Variants in GAN observed in about 807,000 individuals in gnomAD.
The protein encoded by GAN is gigaxonin, also known as epididymis secretory sperm binding protein.
In GAN, 48 loss-of-function variants were observed where a neutral mutation model predicts 71.3. The observed-to-expected ratio is 0.67, with a 90% confidence interval of 0.53 to 0.86. The LOEUF is 0.86. Ranked by LOEUF, GAN falls within the 40% of genes least tolerant of loss-of-function variation. The pLI is 0.00. For missense variants in GAN, 928 were observed against 770.1 expected (o/e 1.21, Z -2.43); for synonymous variants, 386 against 276.8 (o/e 1.39, Z -3.92).
Position 81,381,773 on chromosome 16 carries a change from A to G in GAN, c.*4177A>G, listed in dbSNP as rs1047819017. The stretch of plus-strand genomic sequence containing the variant: ...ATAAATATAAGATTCTTGTGATCAA[A>G]GTAATGTTCTTCTGTTGAAAAGGGC... On this transcript the variant is annotated 3_prime_UTR_variant, in exon 11 of 11. Transcript: ENST00000648994. 1 of 152,252 alleles carries G rather than the reference A, an allele frequency of 6.6e-6. No homozygotes were observed. The highest frequency in any genetic ancestry group is 1.5e-5 in the Non-Finnish European group (1 of 68,050). The allele number at this position is 152,252 out of a possible 1,614,324, so 9.4% of individuals were successfully genotyped here.
rs1904408849 is a variant in GAN, at chr16:81,386,602, T to A, written c.*9006T>A. On this transcript the variant is annotated 3_prime_UTR_variant, in exon 11 of 11. Transcript: ENST00000648994. ...AGTATATAATGTGCTCAGCTTGTCT[T>A]GATTTCAATAAGACATTTGATAAAG... The A allele has an allele frequency of 6.6e-6, 1 of 152,270 alleles. No homozygotes were observed. Among genetic ancestry groups the A allele is most frequent in the South Asian group, 2.1e-4 (1 of 4,834 alleles). The allele number at this position is 152,270 out of a possible 1,614,324, so 9.4% of individuals were successfully genotyped here. A position where few individuals can be genotyped will look rare whatever the true frequency, so the allele number is the denominator to read the frequency against.
chr16:81,373,945 G>A (rs1160645833), intron 9 of GAN, among the ~76,000 whole-genome samples: 3 of 152,166 alleles, frequency 2.0e-5, no homozygotes, highest in Admixed American at 6.5e-5. Context: ...GTTTCACCAT[G>A]TTGGCCAGGA....
Sources: gnomAD v4.1 joint callset for allele counts (sites outside exome capture counted in the v4.1 genomes callset) on GRCh38, gnomAD v4.1.1 for gene constraint, MANE v1.5 for transcripts, NCBI Gene and HGNC (gene_info 2026-07-23, HGNC 2026-07-21) for gene names.